Variants in ELAVL2 observed in about 807,000 individuals in gnomAD.
The protein encoded by ELAVL2 is ELAV like RNA binding protein 2, also known as ELAV-like protein 2.
A neutral mutation model predicts 34.6 loss-of-function variants in ELAVL2; 4 were observed. That is an observed-to-expected ratio of 0.12 (90% CI 0.06 to 0.26). ELAVL2 has a LOEUF of 0.26. ELAVL2 is among the 10% of genes least tolerant of loss of function. The probability of loss-of-function intolerance (pLI) is 1.00; values close to 1 mark genes in which losing one functional copy is unlikely to be tolerated. For synonymous variants in ELAVL2, 193 were observed against 154.8 expected, an observed-to-expected ratio of 1.25 and a Z score of -1.83; for missense variants, 432 against 442.8, an observed-to-expected ratio of 0.98 and a Z score of 0.22.
At chr9:23,822,148 G>A (rs2064887809) in intron 1 of ELAVL2, among the ~76,000 whole-genome samples, 1 of 152,158 alleles carries the variant, frequency 6.6e-6, no homozygotes, top group Admixed American at 6.5e-5. Flanking sequence ...GGGAGTCAGA[G>A]CAGCTAACGT....
chr9:23,754,575 C>A (rs1370482539), intron 2 of ELAVL2, among the ~76,000 whole-genome samples: 1 of 152,132 alleles, frequency 6.6e-6, no homozygotes, highest in African/African-American at 2.4e-5. Flanking sequence ...TCTCCCACCT[C>A]AGCCTTGTGA....
chr9:23,817,551 G>C (rs990514292), intron 1 of ELAVL2, among the ~76,000 whole-genome samples: 5 of 152,248 alleles, frequency 3.3e-5, no homozygotes, highest in Non-Finnish European at 1.5e-5. Flanking sequence ...CCAATCTCTA[G>C]AAACTTAACA....
intron 2 of ELAVL2, among the ~76,000 whole-genome samples, chr9:23,757,983 G>A (rs574716666): frequency 3.9e-5 from 6 of 152,042 alleles, no homozygotes; most frequent in African/African-American, 1.4e-4. Flanking sequence ...CATTAAGAAA[G>A]ATTTAAGAAA....
intron 2 of ELAVL2, among the ~76,000 whole-genome samples, chr9:23,732,490 T>A (rs781179682): frequency 6.6e-6 from 1 of 152,192 alleles, no homozygotes; most frequent in South Asian, 2.1e-4. Flanking sequence ...ACACTAAAAT[T>A]GAGGTTTTAT....
intron 2 of ELAVL2, among the ~76,000 whole-genome samples, chr9:23,741,651 G>A (rs777697977): frequency 3.3e-5 from 5 of 152,018 alleles, no homozygotes; most frequent in Non-Finnish European, 5.9e-5. Flanking sequence ...TGATTAGGAG[G>A]AGTCATAATT....
chr9:23,800,077 C>CA (rs2061403701), intron 1 of ELAVL2, among the ~76,000 whole-genome samples: 2 of 152,168 alleles, frequency 1.3e-5, no homozygotes, highest in Non-Finnish European at 2.9e-5. Flanking sequence ...AAAATAACCT[C>CA]ATTAAGGCAA....
Position 23,692,809 on chromosome 9 carries a change from C to A in ELAVL2, c.828G>T (p.Trp276Cys). 1 of 1,614,150 alleles carries A rather than the reference C, an allele frequency of 6.2e-7. No homozygotes were observed. Among genetic ancestry groups the A allele is most frequent in the Non-Finnish European group, 8.5e-7 (1 of 1,180,002 alleles). The change falls in exon 7 of 7, where the codon TGG becomes TGT. Residue 276 changes from tryptophan to cysteine, a missense_variant. By Grantham distance (215) the Trp-to-Cys change is radical. This residue lies in a region of ELAVL2 where 295 missense variants were observed against 306.1 expected (regional missense o/e 0.96). Coordinates refer to ENST00000397312, the MANE Select transcript of ELAVL2 (RefSeq NM_004432.5). ...GAGCCAGGTTGTACACAAATATACA[C>A]CACCCTGTTCCAGGGTGCCCAGGGA... ...INIPGHPGTG[W>C]CIFVYNLAPD...
At chr9:23,785,058 T>C (rs1186825576) in intron 1 of ELAVL2, among the ~76,000 whole-genome samples, 1 of 152,234 alleles carries the variant, frequency 6.6e-6, no homozygotes, top group Non-Finnish European at 1.5e-5. Flanking sequence ...ATAGATAATG[T>C]GTCAGATGGT....
intron 2 of ELAVL2, among the ~76,000 whole-genome samples, chr9:23,757,585 C>T (rs1290544280): frequency 6.6e-6 from 1 of 151,522 alleles, no homozygotes; most frequent in African/African-American, 2.4e-5. Context: ...TAGAATGCAG[C>T]ATCAGCAGGT....
At chr9:23,722,845 G>T (rs1356100952) in intron 3 of ELAVL2, among the ~76,000 whole-genome samples, 1 of 152,182 alleles carries the variant, frequency 6.6e-6, no homozygotes, top group Non-Finnish European at 1.5e-5. Flanking sequence ...TATGAAATTT[G>T]TTTCAAAAGT....
chr9:23,775,886 C>T (rs183616740), intron 1 of ELAVL2, among the ~76,000 whole-genome samples: 3 of 152,282 alleles, frequency 2.0e-5, no homozygotes, highest in Admixed American at 1.3e-4. Flanking sequence ...AGACAAACCT[C>T]GAGGAAGCCT....
intron 3 of ELAVL2, among the ~76,000 whole-genome samples, chr9:23,722,794 T>C (rs1005649713): frequency 6.6e-6 from 1 of 152,252 alleles, no homozygotes; most frequent in African/African-American, 2.4e-5. Context: ...AGACTACTGC[T>C]GTTTCTGCAC....
At chr9:23,708,786 C>G (rs966463118) in intron 3 of ELAVL2, among the ~76,000 whole-genome samples, 7 of 152,072 alleles carry the variant, frequency 4.6e-5, no homozygotes, top group African/African-American at 1.7e-4. Flanking sequence ...GGATTACAGG[C>G]ATGTACCACC....
At chr9:23,697,383 A>G (rs2035624534) in intron 5 of ELAVL2, among the ~76,000 whole-genome samples, 1 of 152,220 alleles carries the variant, frequency 6.6e-6, no homozygotes, top group African/African-American at 2.4e-5. Context: ...AAATTATTTT[A>G]TGGTCTTGCT....
intron 2 of ELAVL2, among the ~76,000 whole-genome samples, chr9:23,741,436 A>C (rs867444618): frequency 6.6e-6 from 1 of 152,152 alleles, no homozygotes; most frequent in South Asian, 2.1e-4. Flanking sequence ...GAGCAGATGC[A>C]GATGTAAGAC....
intron 1 of ELAVL2, among the ~76,000 whole-genome samples, chr9:23,781,090 T>A (rs1321218057): frequency 6.6e-6 from 1 of 152,208 alleles, no homozygotes; most frequent in Non-Finnish European, 1.5e-5. Flanking sequence ...CCTCATCTAT[T>A]AAGAACAGAT....
chr9:23,821,087 A>G (rs1438041536), intron 1 of ELAVL2: 1 of 152,458 alleles, frequency 6.6e-6, no homozygotes, highest in East Asian at 1.9e-4. Context: ...GTGGGCACAC[A>G]CCAGACACCA....
chr9:23,808,329 A>G (rs1031426859), intron 1 of ELAVL2, among the ~76,000 whole-genome samples: 7 of 152,192 alleles, frequency 4.6e-5, no homozygotes, highest in African/African-American at 9.6e-5. Context: ...TCTAAGTTTC[A>G]TATCAGCAGG....
At chr9:23,769,080 A>T (rs1338178868) in intron 1 of ELAVL2, among the ~76,000 whole-genome samples, 1 of 152,184 alleles carries the variant, frequency 6.6e-6, no homozygotes, top group Non-Finnish European at 1.5e-5. Flanking sequence ...ACAGCACACC[A>T]GGACAGAATC....
Sources: gnomAD v4.1 joint callset for allele counts (sites outside exome capture counted in the v4.1 genomes callset) on GRCh38, gnomAD v4.1.1 for gene constraint, gnomAD v4.1.1 regional missense constraint, MANE v1.5 for transcripts, NCBI Gene and HGNC (gene_info 2026-07-23, HGNC 2026-07-21) for gene names.